The following FCHSD2 variants were observed in gnomAD, a reference collection of about 807,000 sequenced individuals.
The protein encoded by FCHSD2 is F-BAR and double SH3 domains protein 2.
FCHSD2 carries 38 observed loss-of-function variants against 108.1 expected under a neutral mutation model. That is an observed-to-expected ratio of 0.35 (90% CI 0.27 to 0.46). The LOEUF (loss-of-function observed/expected upper bound fraction) is 0.46, where lower values mean the gene tolerates loss of function less well. Among genes scored for constraint, FCHSD2 ranks in the 20% least tolerant of loss-of-function variants. The pLI is 1.00. For missense variants in FCHSD2, 751 were observed against 897.8 expected (o/e 0.84, Z 2.09); for synonymous variants, 279 against 314.7 (o/e 0.89, Z 1.20).
At chr11:72,958,803 T>A (rs1303694665) in intron 8 of FCHSD2, among the ~76,000 whole-genome samples, 1 of 152,206 alleles carries the variant, frequency 6.6e-6, no homozygotes, top group East Asian at 1.9e-4. Flanking sequence ...AAATAATCTT[T>A]TTAAAAGTTG....
At chr11:72,928,038 A>G (rs1856112093) in intron 8 of FCHSD2, among the ~76,000 whole-genome samples, 1 of 152,218 alleles carries the variant, frequency 6.6e-6, no homozygotes, top group East Asian at 1.9e-4. Flanking sequence ...GTGAAGATAA[A>G]GGATAAAGGT....
intron 2 of FCHSD2, among the ~76,000 whole-genome samples, chr11:73,108,026 C>T (rs564926936): frequency 2.6e-4 from 39 of 152,316 alleles, no homozygotes; most frequent in African/African-American, 9.1e-4. Context: ...AATTTACATT[C>T]CCACCAACAC....
At chr11:73,049,152 A>G (rs896965646) in intron 3 of FCHSD2, among the ~76,000 whole-genome samples, 1 of 152,186 alleles carries the variant, frequency 6.6e-6, no homozygotes, top group Non-Finnish European at 1.5e-5. Context: ...TTTGAGTTTG[A>G]GCTCATTAAG....
At chr11:72,869,168 A>G (rs1426510417) in intron 12 of FCHSD2, among the ~76,000 whole-genome samples, 2 of 152,068 alleles carry the variant, frequency 1.3e-5, no homozygotes, top group African/African-American at 4.8e-5. Context: ...CAGCCTCCCA[A>G]AGTGCTGGGA....
chr11:73,084,612 C>T (rs1462352439), intron 2 of FCHSD2, among the ~76,000 whole-genome samples: 3 of 152,150 alleles, frequency 2.0e-5, no homozygotes, highest in South Asian at 2.1e-4. Flanking sequence ...AGACTGGTCT[C>T]GAACTCCTGG....
At chr11:72,996,682 T>C (rs1275365808) in intron 5 of FCHSD2, among the ~76,000 whole-genome samples, 1 of 152,144 alleles carries the variant, frequency 6.6e-6, no homozygotes, top group African/African-American at 2.4e-5. Flanking sequence ...CTTTAAAATG[T>C]TGTAGAGGAA....
intron 14 of FCHSD2, among the ~76,000 whole-genome samples, 164 bp downstream of exon 14, chr11:72,849,591 C>T (rs1366976216): frequency 2.0e-5 from 3 of 152,146 alleles, no homozygotes; most frequent in Admixed American, 6.5e-5. Context: ...AAGTGAAAGA[C>T]GTCAAGTCAG....
chr11:73,121,960 C>T (rs1860744132), intron 2 of FCHSD2, among the ~76,000 whole-genome samples: 1 of 152,054 alleles, frequency 6.6e-6, no homozygotes. Flanking sequence ...TAGTACTTAA[C>T]CTGAAAAGTA....
intron 13 of FCHSD2, among the ~76,000 whole-genome samples, chr11:72,850,519 A>T (rs1489735544): frequency 6.6e-6 from 1 of 151,308 alleles, no homozygotes; most frequent in African/African-American, 2.4e-5. Context: ...ACGCCCGGCT[A>T]ATTTTTTGTA....
chr11:72,934,063 C>T lies in FCHSD2; in HGVS notation c.706-12113G>A, dbSNP rs1001986712. 8.4e-5 allele frequency among the ~76,000 whole-genome samples: 11 copies of T among 131,564 alleles called. No homozygotes were observed. In the East Asian group the frequency reaches 2.0e-3, roughly 25 times the overall value. The allele number at this position is 131,564 out of a possible 152,430, so 86.3% of individuals were successfully genotyped here. A position where few individuals can be genotyped will look rare whatever the true frequency, so the allele number is the denominator to read the frequency against. On this transcript the variant is annotated intron_variant, in intron 8 of 19. Transcript: ENST00000409418. ...GGTTGAGGCTGCAGTGAGCCATGAT[C>T]GCGCCACTACACTCCAGCCTGGGCA...
At chr11:73,030,591 T>C (rs1418453234) in intron 3 of FCHSD2, among the ~76,000 whole-genome samples, 2 of 152,176 alleles carry the variant, frequency 1.3e-5, no homozygotes, top group Non-Finnish European at 2.9e-5. Flanking sequence ...TTTGTAAAGA[T>C]GGTGGTGGTC....
At chr11:73,044,144 T>C (rs1858702249) in intron 3 of FCHSD2, among the ~76,000 whole-genome samples, 1 of 152,210 alleles carries the variant, frequency 6.6e-6, no homozygotes, top group Non-Finnish European at 1.5e-5. Context: ...CCTGCTACTA[T>C]ATGTCACCTT....
chr11:72,892,655 A>G (rs1331309352), intron 10 of FCHSD2, among the ~76,000 whole-genome samples: 5 of 152,022 alleles, frequency 3.3e-5, no homozygotes, highest in Non-Finnish European at 7.4e-5. Flanking sequence ...GCCAGGCTGG[A>G]GTGCAGTGGC....
rs1367412375 is a variant in FCHSD2, at chr11:72,871,651, G to C, written c.1147-3625C>G. On this transcript the variant is annotated intron_variant, in intron 12 of 19. Transcript: ENST00000409418. ...CCAAGCTACTCAGGAGACTGAGGAG[G>C]CAGGCTCACTTGAGTCCAGGAGTTT... Among the ~76,000 whole-genome samples the C allele has an allele frequency of 2.6e-5, 4 of 152,140 alleles. No individual in the cohort carries two copies. In the East Asian group the frequency reaches 7.7e-4, roughly 29 times the overall value.
intron 8 of FCHSD2, among the ~76,000 whole-genome samples, chr11:72,955,152 T>C (rs567103811): frequency 6.6e-6 from 1 of 152,304 alleles, no homozygotes; most frequent in East Asian, 1.9e-4. Context: ...AGATGCTAAT[T>C]GGAAGTCTCA....
chr11:72,989,419 T>C (rs1312517583), intron 5 of FCHSD2, among the ~76,000 whole-genome samples: 2 of 152,162 alleles, frequency 1.3e-5, no homozygotes, highest in East Asian at 1.9e-4. Flanking sequence ...GGAGATATCA[T>C]GATAATAAAA....
At chr11:72,856,044 A>C (rs1861419754) in intron 13 of FCHSD2, among the ~76,000 whole-genome samples, 1 of 152,240 alleles carries the variant, frequency 6.6e-6, no homozygotes, top group Non-Finnish European at 1.5e-5. Context: ...AAAAGCACCA[A>C]TGTTTACACA....
chr11:72,964,364 T>C (rs1004819123), intron 8 of FCHSD2, among the ~76,000 whole-genome samples: 6 of 152,218 alleles, frequency 3.9e-5, no homozygotes, highest in Non-Finnish European at 7.4e-5. Context: ...TTTGATGTCA[T>C]TATACCATCT....
chr11:72,890,090 C>T (rs1435536388), intron 10 of FCHSD2, 145 bp from the exon 11 acceptor site: 8 of 593,010 alleles, frequency 1.3e-5, no homozygotes, highest in South Asian at 6.1e-5. Context: ...AATGTCTTAA[C>T]GTCACAGAAA....
Sources: gnomAD v4.1 joint callset for allele counts (sites outside exome capture counted in the v4.1 genomes callset) on GRCh38, gnomAD v4.1.1 for gene constraint, MANE v1.5 for transcripts, NCBI Gene and HGNC (gene_info 2026-07-23, HGNC 2026-07-21) for gene names.